The following ZNF469 variants were observed in gnomAD, a reference collection of about 807,000 sequenced individuals.
The protein encoded by ZNF469 is zinc finger protein 469.
In ZNF469, 1 loss-of-function variant was observed where a neutral mutation model predicts 1.0. The observed-to-expected ratio is 1.00, with a 90% CI of 0.35 to 4.73. The LOEUF (loss-of-function observed/expected upper bound fraction) is 4.73, where lower values mean the gene tolerates loss of function less well. ZNF469 is among the 30% of genes most tolerant of loss of function. ZNF469 has a pLI of 0.16. For missense variants in ZNF469, 6,100 were observed against 5,356.3 expected (o/e 1.14, Z -4.33); for synonymous variants, 2,703 against 2,363.4 (o/e 1.14, Z -4.17).
At chr16:88,113,147 G>A in the ZNF469 span, among the ~76,000 whole-genome samples, 1 of 152,140 alleles carries the variant, frequency 6.6e-6, no homozygotes, top group South Asian at 2.1e-4. Flanking sequence ...CCTGTGCGTG[G>A]GGGCATTGCT....
intron 1 of ZNF469, among the ~76,000 whole-genome samples, chr16:88,387,115 G>A (rs1904351121): frequency 1.3e-5 from 2 of 152,202 alleles, no homozygotes; most frequent in African/African-American, 4.8e-5. Flanking sequence ...ACCCAGGGGA[G>A]CGCCTTGTGC....
At chr16:88,128,859 A>C in the ZNF469 span, among the ~76,000 whole-genome samples, 1 of 152,238 alleles carries the variant, frequency 6.6e-6, no homozygotes. Flanking sequence ...GCAGGTGGGC[A>C]GAGCAGAGCG....
the ZNF469 span, among the ~76,000 whole-genome samples, chr16:88,223,338 TA>T: frequency 6.6e-6 from 1 of 152,234 alleles, no homozygotes; most frequent in African/African-American, 2.4e-5. Flanking sequence ...TGCTGCCATG[TA>T]AGACATGCCT....
At chr16:88,274,843 C>T in the ZNF469 span, among the ~76,000 whole-genome samples, 6 of 152,366 alleles carry the variant, frequency 3.9e-5, no homozygotes, top group South Asian at 1.0e-3. Flanking sequence ...TTCTCATGGA[C>T]CTGACATGGT....
chr16:88,283,199 G>A, the ZNF469 span, among the ~76,000 whole-genome samples: 2 of 152,100 alleles, frequency 1.3e-5, no homozygotes, highest in Non-Finnish European at 2.9e-5. Context: ...CTGGGGTGAT[G>A]GAAACCATCT....
rs118051385 is a variant in ZNF469, at chr16:88,389,987, C to T, written c.-192+6733C>T. Among the ~76,000 whole-genome samples the T allele has an allele frequency of 9.9e-3, 1,515 of 152,322 alleles. 11 individuals are homozygous for T. Among genetic ancestry groups the T allele is most frequent in the Non-Finnish European group, 0.016 (1,101 of 68,014 alleles). On this transcript the variant is annotated intron_variant, in intron 1 of 2. Transcript: ENST00000565624. ...GGTGGGGTCGGCCTGCGGAGGGCCCCGCTACGCTGCCAGAGATGACGCTGT... is the reference window on the plus strand; with the variant it reads ...GGTGGGGTCGGCCTGCGGAGGGCCCTGCTACGCTGCCAGAGATGACGCTGT...
chr16:88,104,324 C>A, the ZNF469 span, among the ~76,000 whole-genome samples: 1 of 151,690 alleles, frequency 6.6e-6, no homozygotes, highest in Non-Finnish European at 1.5e-5. Flanking sequence ...CATCAAAGTG[C>A]AATTCCGTTT....
rs1305362880 is a variant in ZNF469 at position 88,431,670 on chromosome 16, C to G, written c.4200C>G (p.Pro1400=). The G allele has an allele frequency of 6.5e-7, 1 of 1,550,342 alleles. No individual in the cohort carries two copies. The highest frequency in any genetic ancestry group is 8.7e-7 in the Non-Finnish European group (1 of 1,146,990). Residue 1400 remains proline (P), a synonymous_variant, in exon 3 of 3, where the codon CCC becomes CCG. Transcript: ENST00000565624. Reference sequence around the variant, plus strand: ...GCTGTTTCCTGGAAGAACTGCACCCCAAGCCCTCAGCCAGGGATGCCCCGC... The same window carrying G: ...GCTGTTTCCTGGAAGAACTGCACCCGAAGCCCTCAGCCAGGGATGCCCCGC... ...LAGCFLEELH[P]KPSARDAPPA...
the ZNF469 span, among the ~76,000 whole-genome samples, chr16:88,170,048 C>T: frequency 6.6e-6 from 1 of 152,172 alleles, no homozygotes; most frequent in African/African-American, 2.4e-5. This position sits in a 1 kb window ranked among gnomAD's most constrained non-coding sequence, Gnocchi z 4.2. Flanking sequence ...ACAGAGCACC[C>T]GAGTCCCGCT....
At position 88,438,372 on chromosome 16, in the gene ZNF469, C is replaced by A; in HGVS notation, c.10902C>A (p.Ala3634=). The part of the protein sequence containing the change: ...RRAPGARGRC[A]PDHFQEDHLL... ...CCCCGGGTGCCCGTGGCAGGTGTGCCCCTGACCATTTCCAGGAAGACCACC... is the reference window on the plus strand; with the variant it reads ...CCCCGGGTGCCCGTGGCAGGTGTGCACCTGACCATTTCCAGGAAGACCACC... The change falls in exon 3 of 3, where the codon GCC becomes GCA. Residue 3634 remains alanine, a synonymous_variant. Coordinates refer to ENST00000565624, the MANE Select transcript of ZNF469 (RefSeq NM_001367624.2). 6.5e-7 allele frequency: 1 copy of A among 1,550,170 alleles called. No homozygotes were observed.
chr16:88,297,414 G>GT, the ZNF469 span, among the ~76,000 whole-genome samples: 740 of 152,054 alleles, frequency 4.9e-3, 2 homozygotes, highest in African/African-American at 0.017. Context: ...CACTTTTTTT[G>GT]TTTTTTTGCA....
the ZNF469 span, among the ~76,000 whole-genome samples, chr16:88,333,942 GTGTT>G: frequency 2.0e-5 from 3 of 151,714 alleles, no homozygotes; most frequent in Admixed American, 6.6e-5. Flanking sequence ...ACATGTGTAT[GTGTT>G]TGTGTGTCTG....
chr16:88,113,587 G>T, the ZNF469 span, among the ~76,000 whole-genome samples: 1 of 152,190 alleles, frequency 6.6e-6, no homozygotes, highest in Non-Finnish European at 1.5e-5. Context: ...CCCTGGGGAA[G>T]GCCATGCTTT....
At chr16:88,229,570 CTT>C in the ZNF469 span, among the ~76,000 whole-genome samples, 1 of 149,798 alleles carries the variant, frequency 6.7e-6, no homozygotes, top group Admixed American at 6.6e-5. Flanking sequence ...GGATGTCACG[CTT>C]GTGCGCTGAT....
rs577399527 is a variant in ZNF469 at position 88,417,414 on chromosome 16, G to T, written c.-191-7393G>T. Among the ~76,000 whole-genome samples, 26 of 152,314 alleles carry T rather than the reference G, an allele frequency of 1.7e-4. No individual in the cohort carries two copies. In the South Asian group the frequency reaches 5.2e-3, roughly 30 times the overall value. Reference sequence around the variant, plus strand: ...AGTGGGTTCTGGGGCTGTGGGCACCGTTGCCCATTCTAACCACCTGCCACC... The same window carrying T: ...AGTGGGTTCTGGGGCTGTGGGCACCTTTGCCCATTCTAACCACCTGCCACC... On this transcript the variant is annotated intron_variant, in intron 1 of 2. Coordinates refer to ENST00000565624, the MANE Select transcript of ZNF469 (RefSeq NM_001367624.2).
the ZNF469 span, among the ~76,000 whole-genome samples, chr16:88,376,477 G>A: frequency 1.3e-5 from 2 of 152,146 alleles, no homozygotes; most frequent in Non-Finnish European, 2.9e-5. Flanking sequence ...CATTCCTTGG[G>A]CCCAGCCCGG....
chr16:88,295,795 C>G, the ZNF469 span, among the ~76,000 whole-genome samples: 2 of 152,190 alleles, frequency 1.3e-5, no homozygotes, highest in Admixed American at 6.5e-5. Context: ...TGGAACAGAT[C>G]TGGTGAAGAT....
the ZNF469 span, among the ~76,000 whole-genome samples, chr16:88,277,032 G>A: frequency 1.1e-4 from 16 of 151,890 alleles, no homozygotes; most frequent in Non-Finnish European, 2.1e-4. Context: ...CGCTTGGTCA[G>A]TACCATGTAT....
chr16:88,210,710 C>G, the ZNF469 span, among the ~76,000 whole-genome samples: 1 of 152,264 alleles, frequency 6.6e-6, no homozygotes, highest in Non-Finnish European at 1.5e-5. Context: ...GTGAACGTCA[C>G]TTTGACCATC....
Sources: gnomAD v4.1 joint callset for allele counts (sites outside exome capture counted in the v4.1 genomes callset) on GRCh38, gnomAD v4.1.1 for gene constraint, Gnocchi (gnomAD v3.1) non-coding constraint, MANE v1.5 for transcripts, NCBI Gene and HGNC (gene_info 2026-07-23, HGNC 2026-07-21) for gene names.